ZZZ3: variants seen among roughly 807,000 people sequenced by gnomAD.
The protein encoded by ZZZ3 is ZZ-type zinc finger-containing protein 3.
ZZZ3 carries 22 observed loss-of-function variants against 95.2 expected under a neutral mutation model. That is an observed-to-expected ratio of 0.23 (90% CI 0.17 to 0.33). The LOEUF (loss-of-function observed/expected upper bound fraction) is 0.33, where lower values mean the gene tolerates loss of function less well. ZZZ3 is among the 10% of genes least tolerant of loss of function. The pLI is 1.00. For synonymous variants in ZZZ3, 335 were observed against 358.9 expected, an observed-to-expected ratio of 0.93 and a Z score of 0.75; for missense variants, 885 against 1,066.5, an observed-to-expected ratio of 0.83 and a Z score of 2.37.
intron 5 of ZZZ3, among the ~76,000 whole-genome samples, chr1:77,611,609 T>C (rs560255926): frequency 6.6e-6 from 1 of 152,018 alleles, no homozygotes; most frequent in South Asian, 2.1e-4. Flanking sequence ...CACAAAGCTA[T>C]TACAATCAAA....
intron 5 of ZZZ3, 188 bp from the exon 6 acceptor site, chr1:77,584,843 GAGTT>G (rs1386345388): frequency 5.2e-6 from 2 of 384,842 alleles, no homozygotes; most frequent in Non-Finnish European, 9.0e-6. Context: ...CAGAAAATAA[GAGTT>G]AGAGAAAGCA....
intron 1 of ZZZ3, among the ~76,000 whole-genome samples, chr1:77,650,013 T>C (rs140443664): frequency 6.6e-6 from 1 of 152,298 alleles, no homozygotes; most frequent in East Asian, 1.9e-4. Flanking sequence ...ACATACAATG[T>C]AAGATTCTTA....
chr1:77,665,644 T>C (rs1671179729), intron 1 of ZZZ3, among the ~76,000 whole-genome samples: 1 of 152,202 alleles, frequency 6.6e-6, no homozygotes, highest in Non-Finnish European at 1.5e-5. Context: ...CTGGAATGTT[T>C]AAGAAAATTT....
intron 5 of ZZZ3, among the ~76,000 whole-genome samples, chr1:77,624,593 C>A (rs1335375674): frequency 1.3e-5 from 2 of 152,092 alleles, no homozygotes; most frequent in Non-Finnish European, 2.9e-5. Context: ...TGCCTGGGAC[C>A]CTTCCAGACC....
intron 5 of ZZZ3, among the ~76,000 whole-genome samples, chr1:77,631,335 T>A (rs749716145): frequency 2.6e-4 from 39 of 152,198 alleles, no homozygotes; most frequent in Non-Finnish European, 4.3e-4. Context: ...AATAGTAATA[T>A]CCACTTCTCT....
intron 1 of ZZZ3, among the ~76,000 whole-genome samples, chr1:77,643,701 C>T (rs1668989105): frequency 6.6e-6 from 1 of 152,188 alleles, no homozygotes; most frequent in South Asian, 2.1e-4. Context: ...ATCTCAGATT[C>T]ACAGCACACA....
chr1:77,590,632 T>C (rs1358186349), intron 5 of ZZZ3, among the ~76,000 whole-genome samples: 1 of 152,234 alleles, frequency 6.6e-6, no homozygotes, highest in East Asian at 1.9e-4. Flanking sequence ...TGCATAATCT[T>C]GGGCTAGATC....
At chr1:77,640,265 GTTAA>G (rs1303416488) in intron 3 of ZZZ3, among the ~76,000 whole-genome samples, 2 of 151,958 alleles carry the variant, frequency 1.3e-5, no homozygotes, top group African/African-American at 2.4e-5. Flanking sequence ...GAACAGTCTG[GTTAA>G]TTTTTACTAT....
intron 5 of ZZZ3, among the ~76,000 whole-genome samples, chr1:77,607,975 C>T (rs921453060): frequency 1.4e-5 from 2 of 146,768 alleles, no homozygotes; most frequent in African/African-American, 5.0e-5. Context: ...GAAACAACAA[C>T]AAAAGAATAC....
At chr1:77,635,247 G>C (rs12077361) in intron 4 of ZZZ3, among the ~76,000 whole-genome samples, 1 of 152,168 alleles carries the variant, frequency 6.6e-6, no homozygotes, top group Non-Finnish European at 1.5e-5. Context: ...CCTGAGTTTA[G>C]TGTTGTCTCA....
At chr1:77,585,201 T>C (rs1662965254) in intron 5 of ZZZ3, 2 of 152,210 alleles carry the variant, frequency 1.3e-5, no homozygotes, top group South Asian at 4.1e-4. Flanking sequence ...CTGCTGTTTT[T>C]TTCCTCTGCA....
chr1:77,612,787 G>A (rs549819622), intron 5 of ZZZ3, among the ~76,000 whole-genome samples: 61 of 151,998 alleles, frequency 4.0e-4, no homozygotes, highest in African/African-American at 1.4e-3. Flanking sequence ...CACTGGCAGG[G>A]GGGTGGGGAA....
chr1:77,583,452 C>T (rs949528134), intron 6 of ZZZ3, among the ~76,000 whole-genome samples: 11 of 152,162 alleles, frequency 7.2e-5, no homozygotes, highest in African/African-American at 2.6e-4. Flanking sequence ...ACAGAAGGTA[C>T]ACCAAAATTC....
chr1:77,611,250 AC>A lies in ZZZ3; in HGVS notation c.1505+20599del, dbSNP rs769818159. Among the ~76,000 whole-genome samples, 303 of 138,068 alleles carry A rather than the reference AC, an allele frequency of 2.2e-3. 8 individuals are homozygous for A. The highest frequency in any genetic ancestry group is 7.4e-3 in the African/African-American group (271 of 36,520). 90.6% of individuals were successfully genotyped at this position (138,068 alleles called of 152,430 possible). A position where few individuals can be genotyped will look rare whatever the true frequency, so the allele number is the denominator to read the frequency against. ...TACCTACCAAAAAAAAAAAAAAAAA[AC>A]AACCCACATGCAAAAAAACACAAAA... On this transcript the variant is annotated intron_variant, in intron 5 of 14. Transcript: ENST00000370801.
At position 77,633,894 on chromosome 1, in the gene ZZZ3, G is replaced by A. The variant is rs541007227; in HGVS notation, c.-51-489C>T. Among the ~76,000 whole-genome samples the A allele has an allele frequency of 1.2e-4, 19 of 152,166 alleles. No individual in the cohort carries two copies. In the East Asian group the frequency reaches 2.3e-3, roughly 19 times the overall value. ...GTCATTAAAATAATAATCTTCGGCCGGGCGCAGTGGCTCACACCTGTAATC... is the reference window on the plus strand; with the variant it reads ...GTCATTAAAATAATAATCTTCGGCCAGGCGCAGTGGCTCACACCTGTAATC... On this transcript the variant is annotated intron_variant, in intron 4 of 14. Transcript: ENST00000370801.
intron 5 of ZZZ3, among the ~76,000 whole-genome samples, chr1:77,595,336 G>A (rs1664120607): frequency 6.6e-6 from 1 of 151,982 alleles, no homozygotes; most frequent in African/African-American, 2.4e-5. Flanking sequence ...AGCATGTTAT[G>A]AACAAAATGA....
intron 5 of ZZZ3, 50 bp downstream of exon 5, chr1:77,631,800 T>G (rs1261892805): frequency 7.1e-7 from 1 of 1,402,264 alleles, no homozygotes; most frequent in Admixed American, 2.4e-5. Flanking sequence ...CTGAAAAACT[T>G]GGGGAATAAT....
chr1:77,633,785 G>A (rs1330360638), intron 4 of ZZZ3, among the ~76,000 whole-genome samples: 3 of 152,182 alleles, frequency 2.0e-5, no homozygotes, highest in African/African-American at 4.8e-5. Context: ...GGGCTCTAGA[G>A]ACCATAACTG....
chr1:77,667,893 T>C (rs1392606168), intron 1 of ZZZ3, among the ~76,000 whole-genome samples: 3 of 151,350 alleles, frequency 2.0e-5, no homozygotes, highest in African/African-American at 4.9e-5. Flanking sequence ...AGCCTCCAAG[T>C]AGCTGGGATT....
Sources: allele counts gnomAD v4.1 joint callset (sites outside exome capture counted in the v4.1 genomes callset), GRCh38; gene constraint gnomAD v4.1.1; transcripts MANE v1.5; gene names NCBI Gene and HGNC (gene_info 2026-07-23, HGNC 2026-07-21).